KIAA0753: variants seen among roughly 807,000 people sequenced by gnomAD.
The protein encoded by KIAA0753 is protein moonraker.
In KIAA0753, 114 loss-of-function variants were observed where a neutral mutation model predicts 116.9. The observed-to-expected ratio is 0.98, with a 90% CI of 0.84 to 1.14. KIAA0753 has a LOEUF of 1.14. Among genes scored for constraint, KIAA0753 ranks in the 50% most tolerant of loss-of-function variants. KIAA0753 has a pLI of 0.00. For synonymous variants in KIAA0753, 405 were observed against 413.1 expected (o/e 0.98, Z 0.24); for missense variants, 1,156 against 1,172.4 (o/e 0.99, Z 0.20).
intron 18 of KIAA0753, among the ~76,000 whole-genome samples, chr17:6,580,316 CTTTT>C (rs1555566506): frequency 7.2e-6 from 1 of 139,328 alleles, no homozygotes. Flanking sequence ...AGCCAAGATA[CTTTT>C]TTTTTTTTTT....
intron 15 of KIAA0753, 110 bp from the exon 16 acceptor site, chr17:6,595,163 T>G: frequency 1.4e-6 from 1 of 708,780 alleles, no homozygotes; most frequent in South Asian, 1.7e-5. Context: ...ACGGACGTAC[T>G]GCCAGACATG....
intron 14 of KIAA0753, among the ~76,000 whole-genome samples, chr17:6,597,046 T>A (rs1284717150): frequency 1.1e-4 from 16 of 152,238 alleles, no homozygotes; most frequent in Non-Finnish European, 4.4e-5. Flanking sequence ...GCCTGCAAAT[T>A]TGGGCAAGTT....
chr17:6,639,570 G>C lies in KIAA0753; in HGVS notation c.-69+1067C>G, dbSNP rs1376552638. The C allele has an allele frequency of 1.3e-5, 2 of 152,956 alleles. No individual in the cohort carries two copies. The highest frequency in any genetic ancestry group is 4.8e-5 in the African/African-American group (2 of 41,434). 9.5% of individuals were successfully genotyped at this position (152,956 alleles called of 1,614,324 possible). A position where few individuals can be genotyped will look rare whatever the true frequency, so the allele number is the denominator to read the frequency against. ...CCTGTCCCTGTCCACAGAAGCCTAA[G>C]GCTCTCTCGTAAGCTGCCCCTAAGC... On this transcript the variant is annotated intron_variant, in intron 1 of 18. Coordinates refer to ENST00000361413, the MANE Select transcript of KIAA0753 (RefSeq NM_014804.3). The surrounding 1 kb of genome is among the most constrained non-coding windows in gnomAD (Gnocchi z 4.3).
intron 14 of KIAA0753, among the ~76,000 whole-genome samples, chr17:6,598,369 C>T (rs927434706): frequency 4.6e-5 from 7 of 152,126 alleles, no homozygotes; most frequent in Admixed American, 2.0e-4. Context: ...AACCTTGGTA[C>T]GATAAAGTTA....
chr17:6,622,898 A>T lies in KIAA0753; in HGVS notation c.1088T>A (p.Ile363Asn), dbSNP rs755567202. The T allele has an allele frequency of 3.7e-6, 6 of 1,611,886 alleles. No homozygotes were observed. Among genetic ancestry groups the T allele is most frequent in the Non-Finnish European group, 5.1e-6 (6 of 1,178,074 alleles). The change falls in exon 6 of 19, where the codon ATT becomes AAT. Residue 363 changes from isoleucine to asparagine, a missense_variant. Transcript: ENST00000361413. Reference protein sequence around the residue: ...DPSVPDVVIDILQQIEALESL... With the variant: ...DPSVPDVVIDNLQQIEALESL... The stretch of plus-strand genomic sequence containing the variant: ...ATTCCATACCTCAATTTGTTGCAGA[A>T]TATCTATAACCACATCAGGAACAGA...
intron 7 of KIAA0753, among the ~76,000 whole-genome samples, chr17:6,615,051 G>A (rs564247949): frequency 9.2e-5 from 14 of 151,984 alleles, no homozygotes; most frequent in Non-Finnish European, 1.6e-4. Context: ...CACCAGCCTC[G>A]GCCTCCCAAA....
chr17:6,587,951 G>A (rs1278068038), intron 18 of KIAA0753, among the ~76,000 whole-genome samples: 2 of 152,194 alleles, frequency 1.3e-5, no homozygotes, highest in East Asian at 1.9e-4. Context: ...CTAAGAGTCT[G>A]TAAGTGGGGG....
At chr17:6,617,091 G>T (rs1970984879) in intron 7 of KIAA0753, among the ~76,000 whole-genome samples, 2 of 152,140 alleles carry the variant, frequency 1.3e-5, no homozygotes, top group Admixed American at 1.3e-4. Context: ...TGCAGGCCTG[G>T]AATGCTCTCT....
At chr17:6,623,449 C>A (rs1971459528) in intron 5 of KIAA0753, 60 bp downstream of exon 5, 1 of 1,423,454 alleles carries the variant, frequency 7.0e-7, no homozygotes, top group Non-Finnish European at 9.8e-7. Context: ...ACAATACTAA[C>A]AAAACACTGG....
chr17:6,599,260 CTG>C lies in KIAA0753; in HGVS notation c.2147_2148del (p.Thr716SerfsTer13). The C allele has an allele frequency of 9.9e-6, 16 of 1,613,860 alleles. No individual in the cohort carries two copies. Among genetic ancestry groups the C allele is most frequent in the Non-Finnish European group, 1.3e-5 (15 of 1,179,788 alleles). The stretch of plus-strand genomic sequence containing the variant: ...ACCTCCTGTGCAGGCTGGGCTTTCG[CTG>C]TGTTTACTGACGAGCCATCTTTCAA... ...IHLKDGSSVN[T>X]AKAQPAQEVA... On this transcript the variant is annotated frameshift_variant, in exon 14 of 19. Coordinates refer to ENST00000361413, the MANE Select transcript of KIAA0753 (RefSeq NM_014804.3). LOFTEE classifies it high-confidence loss of function.
chr17:6,628,671 T>G lies in KIAA0753; in HGVS notation c.164A>C (p.His55Pro). The G allele has an allele frequency of 6.2e-7, 1 of 1,614,094 alleles. No homozygotes were observed. The highest frequency in any genetic ancestry group is 8.5e-7 in the Non-Finnish European group (1 of 1,179,982). ...CTTCAGTTTTTCAATTCTAATGGCA[T>G]GTGGGCAAGAATATCGGATCGCCAA... ...SNLAIRYSCPHAIRIEKLKHS... is the reference protein window; with the variant it reads ...SNLAIRYSCPPAIRIEKLKHS... Residue 55 changes from histidine to proline, a missense_variant, in exon 3 of 19, where the codon CAT (histidine) becomes CCT (proline). Transcript: ENST00000361413.
chr17:6,598,848 T>C (rs531092983), intron 14 of KIAA0753, among the ~76,000 whole-genome samples: 1 of 152,306 alleles, frequency 6.6e-6, no homozygotes, highest in African/African-American at 2.4e-5. Flanking sequence ...ACAATAAATA[T>C]TAGGCCCCAA....
chr17:6,634,958 A>T, intron 2 of KIAA0753, 53 bp downstream of exon 2: 2 of 1,215,976 alleles, frequency 1.6e-6, no homozygotes, highest in South Asian at 2.5e-5. Context: ...TTTCTTTCAA[A>T]TTTTATGTTT....
At chr17:6,597,825 A>C (rs1222820282) in intron 14 of KIAA0753, among the ~76,000 whole-genome samples, 2 of 152,212 alleles carry the variant, frequency 1.3e-5, no homozygotes, top group African/African-American at 2.4e-5. Context: ...ATTTGTGTTC[A>C]AGGTCTCCCA....
intron 18 of KIAA0753, among the ~76,000 whole-genome samples, chr17:6,582,580 T>C (rs540236257): frequency 6.6e-6 from 1 of 152,382 alleles, no homozygotes; most frequent in South Asian, 2.1e-4. Flanking sequence ...TTAATTGGCA[T>C]GTAAGGTCCT....
At chr17:6,627,161 C>A (rs75121937) in intron 3 of KIAA0753, among the ~76,000 whole-genome samples, 160 of 152,202 alleles carry the variant, frequency 1.1e-3, no homozygotes, top group African/African-American at 3.7e-3. Context: ...TTTGTAAATT[C>A]TCCAAGTGAT....
intron 9 of KIAA0753, 111 bp downstream of exon 9, chr17:6,609,883 A>C (rs1970418931): frequency 8.2e-7 from 1 of 1,214,982 alleles, no homozygotes; most frequent in African/African-American, 1.5e-5. Context: ...TGCTTAATGG[A>C]AAAAATTAAG....
At chr17:6,636,331 C>G (rs1972318403) in intron 1 of KIAA0753, 1 of 152,156 alleles carries the variant, frequency 6.6e-6, no homozygotes, top group Admixed American at 6.5e-5. Flanking sequence ...AGGTGGGTGG[C>G]TGGAGTTGCA....
chr17:6,587,811 A>G (rs1451546613), intron 18 of KIAA0753, among the ~76,000 whole-genome samples: 1 of 152,240 alleles, frequency 6.6e-6, no homozygotes, highest in Non-Finnish European at 1.5e-5. Context: ...CCACTTGAAT[A>G]CAAGGAAATA....
Sources: gnomAD v4.1 joint callset for allele counts (sites outside exome capture counted in the v4.1 genomes callset) on GRCh38, gnomAD v4.1.1 for gene constraint, Gnocchi (gnomAD v3.1) non-coding constraint, MANE v1.5 for transcripts, NCBI Gene and HGNC (gene_info 2026-07-23, HGNC 2026-07-21) for gene names.